The following RNF17 variants were observed in gnomAD, a reference collection of about 807,000 sequenced individuals.
The protein encoded by RNF17 is spermatogenesis associated 23.
In RNF17, 31 loss-of-function variants were observed where a neutral mutation model predicts 200.5. That is an observed-to-expected ratio of 0.15 (90% CI 0.12 to 0.21). The LOEUF (loss-of-function observed/expected upper bound fraction) is 0.21. RNF17 is among the 10% of genes least tolerant of loss of function. The pLI is 1.00. For missense variants in RNF17, 1,628 were observed against 1,905.1 expected, an observed-to-expected ratio of 0.85 and a Z score of 2.71; for synonymous variants, 606 against 637.8, an observed-to-expected ratio of 0.95 and a Z score of 0.75.
intron 15 of RNF17, among the ~76,000 whole-genome samples, chr13:24,812,327 C>T (rs141892073): frequency 0.018 from 2,706 of 151,924 alleles, 74 homozygotes; most frequent in African/African-American, 0.06. Flanking sequence ...GAGCCATGTG[C>T]GGGATATAAT....
intron 18 of RNF17, among the ~76,000 whole-genome samples, chr13:24,835,219 C>T (rs1889848024): frequency 6.6e-6 from 1 of 151,980 alleles, no homozygotes; most frequent in Non-Finnish European, 1.5e-5. Context: ...CTGCCCCCAC[C>T]TGATGGTCCT....
downstream of RNF17, among the ~76,000 whole-genome samples, chr13:24,880,437 G>A (rs537111466): frequency 6.6e-6 from 1 of 152,292 alleles, no homozygotes; most frequent in Admixed American, 6.5e-5. Context: ...GAACACTACT[G>A]TTATGATTTG....
downstream of RNF17, chr13:24,880,042 C>T (rs769916553): frequency 6.6e-6 from 1 of 152,180 alleles, no homozygotes; most frequent in Non-Finnish European, 1.5e-5. Flanking sequence ...AAGGCTTCTC[C>T]CAAACACATT....
At position 24,799,571 on chromosome 13, in the gene RNF17, C is replaced by T. The variant is rs771946472; in HGVS notation, c.1576C>T (p.Leu526=). Reference sequence around the variant, plus strand: ...GGTAGATTTTGGAAATTCTGAAGTCCTGATTGTCACTGGGTATGATATTTT... The same window carrying T: ...GGTAGATTTTGGAAATTCTGAAGTCTTGATTGTCACTGGGTATGATATTTT... The part of the protein sequence containing the change: ...FMVDFGNSEV[L]IVTGVVDTHV... The change falls in exon 12 of 36, where the codon CTG becomes TTG. Residue 526 remains leucine (L), a synonymous_variant. Transcript: ENST00000255324. 5 of 1,591,828 alleles carry T rather than the reference C, an allele frequency of 3.1e-6. No individual in the cohort carries two copies. Among genetic ancestry groups the T allele is most frequent in the Non-Finnish European group, 3.4e-6 (4 of 1,161,848 alleles).
chr13:24,877,550 T>C (rs1295665788), intron 34 of RNF17, among the ~76,000 whole-genome samples: 1 of 152,120 alleles, frequency 6.6e-6, no homozygotes, highest in Non-Finnish European at 1.5e-5. Context: ...GCTAACTTTG[T>C]GGGTGGGGGA....
intron 15 of RNF17, among the ~76,000 whole-genome samples, chr13:24,820,599 C>G (rs1246309791): frequency 6.6e-6 from 1 of 151,820 alleles, no homozygotes; most frequent in Non-Finnish European, 1.5e-5. Flanking sequence ...CCACGCCCGG[C>G]TAATTTTTGT....
Position 24,859,110 on chromosome 13 carries a change from C to T in RNF17, c.3720C>T (p.Ser1240=), listed in dbSNP as rs149484508. ...KKGEACAVRG[S]DTLWYRGKVM... The stretch of plus-strand genomic sequence containing the variant: ...GAGAAGCATGTGCAGTAAGAGGATC[C>T]GATACTCTGTGGTATCGTGGCAAGG... Residue 1240 remains serine, a synonymous_variant, in exon 26 of 36, where the codon TCC becomes TCT. Transcript: ENST00000255324. The T allele has an allele frequency of 9.3e-6, 15 of 1,611,736 alleles. No individual in the cohort carries two copies. Among genetic ancestry groups the T allele is most frequent in the Admixed American group, 1.7e-5 (1 of 59,928 alleles).
chr13:24,792,252 A>T (rs941965489), intron 9 of RNF17, among the ~76,000 whole-genome samples: 1 of 152,016 alleles, frequency 6.6e-6, no homozygotes, highest in Non-Finnish European at 1.5e-5. Context: ...TGCCTTTTAA[A>T]TTTTTTCCTA....
chr13:24,827,115 A>G (rs1473765110), intron 16 of RNF17, among the ~76,000 whole-genome samples: 1 of 151,498 alleles, frequency 6.6e-6, no homozygotes, highest in African/African-American at 2.4e-5. Flanking sequence ...TATTTTTAGT[A>G]GAGATGGGAT....
intron 27 of RNF17, among the ~76,000 whole-genome samples, chr13:24,861,763 CTT>C (rs1404527250): frequency 6.6e-6 from 1 of 152,156 alleles, no homozygotes; most frequent in Non-Finnish European, 1.5e-5. Context: ...CAACAATAAA[CTT>C]TCATTATCTC....
the RNF17 span, chr13:24,885,687 G>T: frequency 6.3e-7 from 1 of 1,589,860 alleles, no homozygotes; most frequent in Non-Finnish European, 8.6e-7. Context: ...GAATAAAATT[G>T]TCAAGAGTTA....
chr13:24,764,891 GTGT>G (rs1879397577), intron 1 of RNF17, among the ~76,000 whole-genome samples: 19 of 64,744 alleles, frequency 2.9e-4, no homozygotes, highest in South Asian at 1.7e-3. Flanking sequence ...CTTGTGGGGT[GTGT>G]GTGTGTGTGT....
chr13:24,749,940 C>T, the RNF17 span, among the ~76,000 whole-genome samples: 12 of 152,180 alleles, frequency 7.9e-5, no homozygotes, highest in African/African-American at 2.4e-4. Context: ...TTAGTAGAGA[C>T]GGAGTTTCGC....
intron 34 of RNF17, among the ~76,000 whole-genome samples, chr13:24,878,697 G>C (rs1218903331): frequency 6.6e-6 from 1 of 152,192 alleles, no homozygotes; most frequent in Non-Finnish European, 1.5e-5. Flanking sequence ...CCCCCTTTCT[G>C]CCTGTCTCCC....
intron 27 of RNF17, 43 bp downstream of exon 27, chr13:24,861,430 A>G (rs768374201): frequency 6.0e-5 from 76 of 1,261,750 alleles, no homozygotes; most frequent in Non-Finnish European, 6.8e-5. Flanking sequence ...TTTAAATATT[A>G]GTTTTTATTA....
chr13:24,807,198 G>C (rs1392710416), intron 15 of RNF17, among the ~76,000 whole-genome samples: 1 of 151,882 alleles, frequency 6.6e-6, no homozygotes, highest in East Asian at 1.9e-4. Flanking sequence ...GGTATTTCTA[G>C]TTCTAGATCC....
At position 24,844,797 on chromosome 13, in the gene RNF17, G is replaced by T. The variant is rs1247037551; in HGVS notation, c.2977G>T (p.Val993Leu). ...CATCAGAATGGTTACAGACACATTG[G>T]TAGAGGTAAATTACAGAGTTAAAAG... is the stretch of plus-strand genomic sequence containing the variant. ...QIIRMVTDTL[V>L]EVLLYDVGVE... is the part of the protein sequence containing the mutation. The change falls in exon 21 of 36, where the codon GTA becomes TTA. Residue 993 changes from valine to leucine, a missense_variant. By Grantham distance (32) the Val-to-Leu change is conservative (BLOSUM62 1). Coordinates refer to ENST00000255324, the MANE Select transcript of RNF17 (RefSeq NM_031277.3). 6.2e-7 allele frequency: 1 copy of T among 1,610,574 alleles called. No homozygotes were observed. Among genetic ancestry groups the T allele is most frequent in the South Asian group, 1.1e-5 (1 of 89,712 alleles).
intron 6 of RNF17, among the ~76,000 whole-genome samples, chr13:24,786,389 G>A (rs943450813): frequency 5.3e-5 from 8 of 151,966 alleles, no homozygotes; most frequent in African/African-American, 1.9e-4. Flanking sequence ...GATATTTTAC[G>A]TATTTGTCCT....
At chr13:24,806,176 C>A (rs1885826724) in intron 15 of RNF17, among the ~76,000 whole-genome samples, 1 of 151,988 alleles carries the variant, frequency 6.6e-6, no homozygotes, top group African/African-American at 2.4e-5. Flanking sequence ...TGAGAATGTC[C>A]CTGCAAAGGA....
Sources: gnomAD v4.1 joint callset for allele counts (sites outside exome capture counted in the v4.1 genomes callset) on GRCh38, gnomAD v4.1.1 for gene constraint, MANE v1.5 for transcripts, NCBI Gene and HGNC (gene_info 2026-07-23, HGNC 2026-07-21) for gene names.